The following ATP10A variants were observed in gnomAD, a reference collection of about 807,000 sequenced individuals.
ATP10A encodes phospholipid-transporting ATPase VA.
In ATP10A, 111 loss-of-function variants were observed where a neutral mutation model predicts 147.8. That is an observed-to-expected ratio of 0.75 (90% CI 0.64 to 0.88). ATP10A has a LOEUF of 0.88. ATP10A is among the 40% of genes least tolerant of loss of function. ATP10A has a pLI of 0.00. For missense variants in ATP10A, 1,927 were observed against 1,959.0 expected (o/e 0.98, Z 0.31); for synonymous variants, 875 against 841.6 (o/e 1.04, Z -0.69).
chr15:25,687,916 G>A (rs758763255), intron 15 of ATP10A, 88 bp from the exon 16 acceptor site: 1 of 1,581,348 alleles, frequency 6.3e-7, no homozygotes, highest in Admixed American at 1.7e-5. Flanking sequence ...GTACACAACA[G>A]GGAAGGAAAA....
At chr15:25,860,024 T>G (rs1217339621) in intron 1 of ATP10A, among the ~76,000 whole-genome samples, 1 of 152,164 alleles carries the variant, frequency 6.6e-6, no homozygotes, top group Non-Finnish European at 1.5e-5. Context: ...CAGTTCACAG[T>G]CGTGCGTCTG....
intron 10 of ATP10A, 159 bp from the exon 11 acceptor site, chr15:25,708,459 A>G: frequency 1.9e-6 from 1 of 528,272 alleles, no homozygotes; most frequent in Non-Finnish European, 3.1e-6. Flanking sequence ...TGTTTTAAAA[A>G]AGAGTCTCAT....
chr15:25,792,273 C>T (rs61991476), intron 1 of ATP10A, among the ~76,000 whole-genome samples: 30,522 of 152,202 alleles, frequency 0.2, 3,445 homozygotes, highest in African/African-American at 0.31. Flanking sequence ...TTAGCTTCAG[C>T]GCTGAGAGGA....
intron 2 of ATP10A, among the ~76,000 whole-genome samples, chr15:25,742,026 G>A (rs1361179434): frequency 6.6e-6 from 1 of 152,228 alleles, no homozygotes; most frequent in Admixed American, 6.5e-5. Context: ...AACCCATTTA[G>A]ACAGCAATGT....
chr15:25,796,504 T>C (rs1596903630), intron 1 of ATP10A, among the ~76,000 whole-genome samples: 1 of 152,374 alleles, frequency 6.6e-6, no homozygotes, highest in Non-Finnish European at 1.5e-5. Context: ...TGTGCATGCA[T>C]GCAGCAATGC....
chr15:25,735,999 C>T (rs1596787729), intron 3 of ATP10A, 57 bp downstream of exon 3: 1 of 1,383,782 alleles, frequency 7.2e-7, no homozygotes, highest in South Asian at 1.2e-5. Context: ...TGTGTAAACA[C>T]CTGCCTATGT....
chr15:25,766,197 G>C (rs1889016152), intron 2 of ATP10A, among the ~76,000 whole-genome samples: 1 of 152,176 alleles, frequency 6.6e-6, no homozygotes, highest in Admixed American at 6.5e-5. Flanking sequence ...AGAAAGACCA[G>C]ACTCCATGAT....
At chr15:25,816,239 G>T (rs1891649716) in intron 1 of ATP10A, among the ~76,000 whole-genome samples, 1 of 150,756 alleles carries the variant, frequency 6.6e-6, no homozygotes, top group Admixed American at 6.6e-5. Context: ...ATTTTGCTTT[G>T]TTTTTTTTGA....
chr15:25,734,707 C>A (rs1887160815), intron 3 of ATP10A, among the ~76,000 whole-genome samples: 1 of 152,106 alleles, frequency 6.6e-6, no homozygotes, highest in Non-Finnish European at 1.5e-5. Flanking sequence ...CTTTAATTGG[C>A]TTATTTAAGG....
Position 25,722,304 on chromosome 15 carries a change from C to A in ATP10A, c.1111-395G>T, listed in dbSNP as rs572408913. ...CACCACACTCCATGGTGGCATTCGA[C>A]CCCCAGGCTTTCCCTGGGCTCCCAT... On this transcript the variant is annotated intron_variant, in intron 6 of 20. Transcript: ENST00000555815. 6.6e-5 allele frequency among the ~76,000 whole-genome samples: 10 copies of A among 152,260 alleles called. No individual in the cohort carries two copies. In the South Asian group the frequency reaches 2.1e-3, roughly 32 times the overall value.
rs370179050 is a variant in ATP10A, at chr15:25,721,829, C to T, written c.1191G>A (p.Gln397=). ...GCGAGTCTGTTTCTTCGTCATACAACTGCATGTCCTGGTTAATGAAGTACA... is the reference window on the plus strand; with the variant it reads ...GCGAGTCTGTTTCTTCGTCATACAATTGCATGTCCTGGTTAATGAAGTACA... ...CQVYFINQDM[Q]LYDEETDSQL... The change falls in exon 7 of 21, where the codon CAG becomes CAA. Residue 397 remains glutamine (Q), a synonymous_variant. Coordinates refer to ENST00000555815, the MANE Select transcript of ATP10A (RefSeq NM_024490.4). 1.5e-5 allele frequency: 24 copies of T among 1,614,082 alleles called. No homozygotes were observed. The highest frequency in any genetic ancestry group is 1.9e-5 in the Non-Finnish European group (22 of 1,180,048).
At chr15:25,780,970 A>C in intron 2 of ATP10A, 49 bp downstream of exon 2, 1 of 1,581,218 alleles carries the variant, frequency 6.3e-7, no homozygotes, top group Non-Finnish European at 8.7e-7. Context: ...TCATGGGGAC[A>C]CTGTGTGGCT....
intron 1 of ATP10A, among the ~76,000 whole-genome samples, chr15:25,837,480 C>T (rs1329784511): frequency 6.6e-6 from 1 of 152,170 alleles, no homozygotes; most frequent in East Asian, 1.9e-4. Flanking sequence ...AGAAAGGAGG[C>T]TCCCGGCGCA....
intron 1 of ATP10A, among the ~76,000 whole-genome samples, chr15:25,820,815 AG>A (rs1469244863): frequency 6.6e-5 from 10 of 152,326 alleles, no homozygotes; most frequent in African/African-American, 2.2e-4. Context: ...TAAAACCATA[AG>A]GCAAACAGAA....
chr15:25,818,953 C>G (rs1371915330), intron 1 of ATP10A, among the ~76,000 whole-genome samples: 2 of 152,128 alleles, frequency 1.3e-5, no homozygotes, highest in East Asian at 3.8e-4. Context: ...AAAGACTTAA[C>G]TCTAAGACCT....
chr15:25,730,660 G>A (rs982545461), intron 3 of ATP10A, among the ~76,000 whole-genome samples: 1 of 152,114 alleles, frequency 6.6e-6, no homozygotes, highest in South Asian at 2.1e-4. Flanking sequence ...TCCTAAGTGG[G>A]TCCTGACTGA....
At chr15:25,722,024 T>C (rs1902270854) in intron 6 of ATP10A, 115 bp from the exon 7 acceptor site, 1 of 1,175,542 alleles carries the variant, frequency 8.5e-7, no homozygotes, top group African/African-American at 1.5e-5. Context: ...GGGACTATAC[T>C]GTACCTTTAA....
intron 2 of ATP10A, among the ~76,000 whole-genome samples, chr15:25,750,484 T>C (rs1325425281): frequency 7.1e-6 from 1 of 140,420 alleles, no homozygotes; most frequent in East Asian, 2.1e-4. Flanking sequence ...AAATTATCAA[T>C]TGGAAATTTG....
intron 2 of ATP10A, among the ~76,000 whole-genome samples, chr15:25,778,971 G>C (rs960504755): frequency 6.6e-6 from 1 of 152,124 alleles, no homozygotes; most frequent in African/African-American, 2.4e-5. Context: ...CTGCCTCCCG[G>C]GTTCAAGCGA....
Sources: gnomAD v4.1 joint callset for allele counts (sites outside exome capture counted in the v4.1 genomes callset) on GRCh38, gnomAD v4.1.1 for gene constraint, MANE v1.5 for transcripts, NCBI Gene and HGNC (gene_info 2026-07-23, HGNC 2026-07-21) for gene names.